Variants in SIK2 observed in about 807,000 individuals in gnomAD.
The protein encoded by SIK2 is serine/threonine-protein kinase SIK2.
A neutral mutation model predicts 103.2 loss-of-function variants in SIK2; 29 were observed. That is an observed-to-expected ratio of 0.28 (90% CI 0.21 to 0.38). SIK2 has a LOEUF of 0.38. Ranked by LOEUF, SIK2 falls within the 10% of genes least tolerant of loss-of-function variation. The probability of loss-of-function intolerance (pLI) is 1.00; values close to 1 mark genes in which losing one functional copy is unlikely to be tolerated. For synonymous variants in SIK2, 412 were observed against 446.1 expected (o/e 0.92, Z 0.96); for missense variants, 879 against 1,171.0 (o/e 0.75, Z 3.64).
intron 3 of SIK2, among the ~76,000 whole-genome samples, chr11:111,666,281 C>T (rs907896387): frequency 2.0e-5 from 3 of 152,112 alleles, no homozygotes; most frequent in African/African-American, 7.2e-5. Context: ...TGTGCTTTCT[C>T]CTGAGGTCTT....
chr11:111,639,739 G>T (rs1426148791), intron 3 of SIK2, among the ~76,000 whole-genome samples: 1 of 152,026 alleles, frequency 6.6e-6, no homozygotes, highest in Non-Finnish European at 1.5e-5. Context: ...ACTCTCTCCT[G>T]CTTCTGTTTA....
chr11:111,687,880 C>T (rs1942868267), intron 3 of SIK2, 121 bp from the exon 4 acceptor site: 10 of 945,164 alleles, frequency 1.1e-5, no homozygotes, highest in South Asian at 8.4e-5. Context: ...GCTGGGACTA[C>T]AGGCATGAGC....
At chr11:111,638,527 T>C (rs1020459736) in intron 3 of SIK2, among the ~76,000 whole-genome samples, 1 of 152,214 alleles carries the variant, frequency 6.6e-6, no homozygotes, top group Non-Finnish European at 1.5e-5. Flanking sequence ...TTTCCATTGC[T>C]GAGGCTTCAA....
intron 3 of SIK2, among the ~76,000 whole-genome samples, chr11:111,633,321 AT>A (rs1346277079): frequency 6.6e-6 from 1 of 152,178 alleles, no homozygotes. Flanking sequence ...TTTCACTGTT[AT>A]TTAAAGTCTG....
intron 3 of SIK2, chr11:111,671,197 TC>T: frequency 3.8e-6 from 1 of 259,898 alleles, no homozygotes; most frequent in South Asian, 4.8e-5. Flanking sequence ...CATCCCAGAC[TC>T]CAGCCAGCTT....
rs890166593 is a variant in SIK2 at position 111,626,312 on chromosome 11, T to C, written c.316+5910T>C. On this transcript the variant is annotated intron_variant, in intron 3 of 14. Coordinates refer to ENST00000304987, the MANE Select transcript of SIK2 (RefSeq NM_015191.3). ...AAAGGAGATGTGGAGATCATTTAGT[T>C]CAATTTGTTTTTATTTGCCTTGACT... 1.1e-4 allele frequency among the ~76,000 whole-genome samples: 17 copies of C among 152,224 alleles called. 1 individual carries two copies. In the South Asian group the frequency reaches 3.5e-3, roughly 32 times the overall value.
In SIK2 at chr11:111,724,245, C is replaced by T. The variant is rs188877415; in HGVS notation, c.*116C>T. On this transcript the variant is annotated 3_prime_UTR_variant, in exon 15 of 15. Coordinates refer to ENST00000304987, the MANE Select transcript of SIK2 (RefSeq NM_015191.3). Reference sequence around the variant, plus strand: ...TGCCCTCTCCCTAACGGGGAGAAATCGAGCCACCCAACTGGAATCAGAGGG... The same window carrying T: ...TGCCCTCTCCCTAACGGGGAGAAATTGAGCCACCCAACTGGAATCAGAGGG... The T allele has an allele frequency of 6.5e-6, 9 of 1,389,258 alleles. No individual in the cohort carries two copies. The highest frequency in any genetic ancestry group is 6.0e-5 in the South Asian group (4 of 67,206). 86.1% of individuals were successfully genotyped at this position (1,389,258 alleles called of 1,614,324 possible).
At chr11:111,631,113 G>A (rs1482836178) in intron 3 of SIK2, among the ~76,000 whole-genome samples, 1 of 152,162 alleles carries the variant, frequency 6.6e-6, no homozygotes, top group Non-Finnish European at 1.5e-5. Flanking sequence ...CTGAAAAGGT[G>A]TGCATTGGTG....
intron 3 of SIK2, among the ~76,000 whole-genome samples, chr11:111,629,832 G>A (rs1234167941): frequency 6.6e-6 from 1 of 152,144 alleles, no homozygotes; most frequent in Non-Finnish European, 1.5e-5. Flanking sequence ...ATTTTAGGCT[G>A]TGAAGCAACT....
rs535729901 is a variant in SIK2, at chr11:111,725,133, T to A, written c.*1004T>A. On this transcript the variant is annotated 3_prime_UTR_variant, in exon 15 of 15. Transcript: ENST00000304987. ...TTAGAGATTTTAAGGACATGATAAA[T>A]GAACTTTTCTGTCCCATGTGAAGTG... 6.5e-6 allele frequency: 1 copy of A among 152,798 alleles called. No individual in the cohort carries two copies. Among genetic ancestry groups the A allele is most frequent in the Non-Finnish European group, 1.5e-5 (1 of 68,038 alleles). 9.5% of individuals were successfully genotyped at this position (152,798 alleles called of 1,614,324 possible). A position where few individuals can be genotyped will look rare whatever the true frequency, so the allele number is the denominator to read the frequency against.
chr11:111,634,134 G>C (rs1473741115), intron 3 of SIK2, among the ~76,000 whole-genome samples: 1 of 152,110 alleles, frequency 6.6e-6, no homozygotes. Flanking sequence ...ACAGATTTCT[G>C]CTCCTTGATA....
rs762310129 is a variant in SIK2, at chr11:111,619,694, A to G, written c.253-645A>G. On this transcript the variant is annotated intron_variant, in intron 2 of 14. Transcript: ENST00000304987. ...TATTTAGTGTAGTTTGAAAAATCAG[A>G]TGTATGACGATGACACACTTCATTC... Among the ~76,000 whole-genome samples, 6 of 152,204 alleles carry G rather than the reference A, an allele frequency of 3.9e-5. 1 individual carries two copies. Among genetic ancestry groups the G allele is most frequent in the Non-Finnish European group, 8.8e-5 (6 of 68,036 alleles).
In SIK2 at chr11:111,712,293, A is replaced by G. The variant is rs1356527380; in HGVS notation, c.1184A>G (p.Asn395Ser). ...LRSALLPQAS[N>S]VEAFSFPASG... is the part of the protein sequence containing the mutation. ...TCTGCCCTCCTCCCCCAGGCATCCA[A>G]CGTGGAGGCCTTTTCATTTCCAGCA... is the stretch of plus-strand genomic sequence containing the variant. The change falls in exon 9 of 15, where the codon AAC becomes AGC. Residue 395 changes from asparagine to serine, a missense_variant. Physicochemically the swap from Asn to Ser is conservative, Grantham distance 46. Coordinates refer to ENST00000304987, the MANE Select transcript of SIK2 (RefSeq NM_015191.3). 6.2e-7 allele frequency: 1 copy of G among 1,614,008 alleles called. No individual in the cohort carries two copies. The highest frequency in any genetic ancestry group is 8.5e-7 in the Non-Finnish European group (1 of 1,180,016).
At chr11:111,700,115 C>T (rs1270801729) in intron 4 of SIK2, among the ~76,000 whole-genome samples, 2 of 152,180 alleles carry the variant, frequency 1.3e-5, no homozygotes, top group African/African-American at 2.4e-5. Context: ...TGTAACAATA[C>T]TTACTAAATT....
At chr11:111,692,878 T>C (rs1942980773) in intron 4 of SIK2, among the ~76,000 whole-genome samples, 1 of 152,116 alleles carries the variant, frequency 6.6e-6, no homozygotes. Flanking sequence ...ATGAACTGCT[T>C]TAGCCATCTT....
At chr11:111,612,669 A>T (rs914989039) in intron 1 of SIK2, among the ~76,000 whole-genome samples, 1 of 152,134 alleles carries the variant, frequency 6.6e-6, no homozygotes, top group Non-Finnish European at 1.5e-5. Context: ...CTTCAGGTTA[A>T]CCTTGGAAGC....
At chr11:111,611,248 CA>C (rs68177301) in intron 1 of SIK2, among the ~76,000 whole-genome samples, 135,108 of 143,254 alleles carry the variant, frequency 0.94, 63,887 homozygotes, top group South Asian at 0.99. Flanking sequence ...GACCCTGTCT[CA>C]AAAAAAAAAA....
intron 3 of SIK2, among the ~76,000 whole-genome samples, chr11:111,646,665 A>G (rs1366437230): frequency 6.6e-6 from 1 of 152,148 alleles, no homozygotes; most frequent in Non-Finnish European, 1.5e-5. Flanking sequence ...AGCTGTACAT[A>G]GATTAGCTTG....
chr11:111,609,376 C>T (rs548350021), intron 1 of SIK2, among the ~76,000 whole-genome samples: 189 of 152,000 alleles, frequency 1.2e-3, no homozygotes, highest in Non-Finnish European at 1.8e-3. Context: ...GGCTGGAGTA[C>T]AGTTGCGAGA....
Sources: allele counts gnomAD v4.1 joint callset (sites outside exome capture counted in the v4.1 genomes callset), GRCh38; gene constraint gnomAD v4.1.1; transcripts MANE v1.5; gene names NCBI Gene and HGNC (gene_info 2026-07-23, HGNC 2026-07-21).